IGFBP7: variants seen among roughly 807,000 people sequenced by gnomAD.
IGFBP7 encodes the protein insulin-like growth factor-binding protein 7.
In IGFBP7, 31 loss-of-function variants were observed where a neutral mutation model predicts 29.4. That is an observed-to-expected ratio of 1.05 (90% CI 0.79 to 1.42). The LOEUF (loss-of-function observed/expected upper bound fraction) is 1.42. Among genes scored for constraint, IGFBP7 ranks in the 40% most tolerant of loss-of-function variants. The pLI is 0.00. For missense variants in IGFBP7, 393 were observed against 395.5 expected, an observed-to-expected ratio of 0.99 and a Z score of 0.05; for synonymous variants, 172 against 174.9, an observed-to-expected ratio of 0.98 and a Z score of 0.13.
At chr4:57,047,294 A>G (rs1724386344) in intron 1 of IGFBP7, among the ~76,000 whole-genome samples, 1 of 152,174 alleles carries the variant, frequency 6.6e-6, no homozygotes, top group South Asian at 2.1e-4. Context: ...GCTGCCATGT[A>G]AGATGTGACT....
At chr4:57,063,030 G>A (rs1724835230) in intron 1 of IGFBP7, among the ~76,000 whole-genome samples, 1 of 151,990 alleles carries the variant, frequency 6.6e-6, no homozygotes, top group African/African-American at 2.4e-5. Flanking sequence ...TGAACCCTGA[G>A]CTCCAGCCAT....
intron 1 of IGFBP7, among the ~76,000 whole-genome samples, chr4:57,050,722 ATTTTTT>A (rs35769988): frequency 7.1e-6 from 1 of 140,390 alleles, no homozygotes. Flanking sequence ...TTAAAAAAGA[ATTTTTT>A]TTTTTTTTTT....
At chr4:57,056,495 CTG>C (rs1724677272) in intron 1 of IGFBP7, among the ~76,000 whole-genome samples, 1 of 152,178 alleles carries the variant, frequency 6.6e-6, no homozygotes, top group South Asian at 2.1e-4. Flanking sequence ...AGTAAACAGT[CTG>C]GGCCAGGAAC....
At chr4:57,062,516 G>C (rs568686958) in intron 1 of IGFBP7, among the ~76,000 whole-genome samples, 1 of 152,250 alleles carries the variant, frequency 6.6e-6, no homozygotes, top group Non-Finnish European at 1.5e-5. Flanking sequence ...CAAATAGGTG[G>C]GAATCATCCT....
chr4:57,068,156 T>C (rs1464819913), intron 1 of IGFBP7, among the ~76,000 whole-genome samples: 1 of 151,892 alleles, frequency 6.6e-6, no homozygotes, highest in African/African-American at 2.4e-5. Flanking sequence ...CCTGTGTGGA[T>C]GTGCATGCCT....
At chr4:57,093,435 G>A (rs1560507333) in intron 1 of IGFBP7, among the ~76,000 whole-genome samples, 1 of 151,882 alleles carries the variant, frequency 6.6e-6, no homozygotes, top group South Asian at 2.1e-4. Context: ...GGGAGGTAGA[G>A]GTTGCAGTGA....
intron 1 of IGFBP7, chr4:57,109,657 ACT>A: frequency 3.4e-6 from 2 of 591,896 alleles, no homozygotes; most frequent in South Asian, 4.5e-5. Context: ...CACGCAGCAA[ACT>A]CTCAAAATAA....
Position 57,030,903 on chromosome 4 carries a change from C to A in IGFBP7, c.*414G>T. The A allele has an allele frequency of 1.3e-6, 2 of 1,597,178 alleles. No individual in the cohort carries two copies. The highest frequency in any genetic ancestry group is 1.7e-6 in the Non-Finnish European group (2 of 1,164,618). Reference sequence around the variant, plus strand: ...CCATTTGTTTTTTCTTTTCAGATTTCTTTGGTGCGAATGCCTTACGCATGC... The same window carrying A: ...CCATTTGTTTTTTCTTTTCAGATTTATTTGGTGCGAATGCCTTACGCATGC... On this transcript the variant is annotated 3_prime_UTR_variant, in exon 5 of 5. Coordinates refer to ENST00000295666, the MANE Select transcript of IGFBP7 (RefSeq NM_001553.3).
At chr4:57,064,577 A>G (rs1201402409) in intron 1 of IGFBP7, among the ~76,000 whole-genome samples, 5 of 152,234 alleles carry the variant, frequency 3.3e-5, no homozygotes, top group African/African-American at 9.6e-5. Context: ...TCTCTTGCTA[A>G]GGTGCAGATC....
intron 1 of IGFBP7, among the ~76,000 whole-genome samples, chr4:57,087,771 T>C (rs1725532057): frequency 6.6e-6 from 1 of 152,194 alleles, no homozygotes; most frequent in African/African-American, 2.4e-5. Context: ...CCTAATCCTT[T>C]AATACAGGTC....
At chr4:57,079,913 G>T (rs1253009394) in intron 1 of IGFBP7, among the ~76,000 whole-genome samples, 2 of 152,176 alleles carry the variant, frequency 1.3e-5, no homozygotes, top group Admixed American at 6.5e-5. Flanking sequence ...CAGAAATCTA[G>T]TTAAGTGGCT....
At chr4:57,055,180 C>T (rs943817755) in intron 1 of IGFBP7, among the ~76,000 whole-genome samples, 25 of 150,238 alleles carry the variant, frequency 1.7e-4, no homozygotes, top group Non-Finnish European at 3.5e-4. Flanking sequence ...CCTCAGCCAC[C>T]GGGTACTGGC....
chr4:57,040,887 A>T lies in IGFBP7; in HGVS notation c.522T>A (p.Gly174=). The T allele has an allele frequency of 6.2e-7, 1 of 1,614,196 alleles. No homozygotes were observed. The highest frequency in any genetic ancestry group is 1.3e-5 in the African/African-American group (1 of 75,066). The change falls in exon 2 of 5, where the codon GGT becomes GGA. Residue 174 remains glycine (G), a synonymous_variant. Transcript: ENST00000295666. ...TPPKDIWNVT[G]AQVYLSCEVI... is the part of the protein sequence containing the mutation. The stretch of plus-strand genomic sequence containing the variant: ...CCTCACAGCTCAAGTACACCTGGGC[A>T]CCAGTGACATTCCAGATGTCCTTGG...
At chr4:57,097,979 C>G (rs1725801158) in intron 1 of IGFBP7, among the ~76,000 whole-genome samples, 1 of 152,156 alleles carries the variant, frequency 6.6e-6, no homozygotes, top group African/African-American at 2.4e-5. Context: ...ACCCCTTGGG[C>G]TTGTCCTAAA....
At chr4:57,050,487 C>T (rs1216557996) in intron 1 of IGFBP7, among the ~76,000 whole-genome samples, 2 of 151,814 alleles carry the variant, frequency 1.3e-5, no homozygotes, top group Non-Finnish European at 2.9e-5. Flanking sequence ...TCAGGTGATC[C>T]ACCTGCCTCA....
intron 1 of IGFBP7, among the ~76,000 whole-genome samples, chr4:57,070,805 A>T (rs940414172): frequency 2.0e-5 from 3 of 152,228 alleles, no homozygotes; most frequent in African/African-American, 7.2e-5. Context: ...GATACAAGGG[A>T]TGTTCAGTGC....
rs749151753 is a variant in IGFBP7, at chr4:57,065,170, G to A, written c.476-24237C>T. ...AACTCCCCATGTGGCCTCGGCCCAC[G>A]CCAGGAGGCGGTCAAGGTCCCAGGT... On this transcript the variant is annotated intron_variant, in intron 1 of 4. Transcript: ENST00000295666. 2.6e-5 allele frequency among the ~76,000 whole-genome samples: 4 copies of A among 152,226 alleles called. No individual in the cohort carries two copies. The South Asian group carries it at 6.2e-4, about 24-fold the overall frequency.
intron 1 of IGFBP7, chr4:57,072,785 A>C: frequency 1.9e-6 from 1 of 538,782 alleles, no homozygotes. Context: ...ATGGGTGGGG[A>C]CCATCCATTG....
chr4:57,078,628 T>C lies in IGFBP7; in HGVS notation c.475+31249A>G, dbSNP rs191066162. The stretch of plus-strand genomic sequence containing the variant: ...CTTCCTCCCCTCTCACAGAACACCC[T>C]TACCCTTGATGGGCCAGTGATATAA... On this transcript the variant is annotated intron_variant, in intron 1 of 4. Coordinates refer to ENST00000295666, the MANE Select transcript of IGFBP7 (RefSeq NM_001553.3). 3.5e-4 allele frequency among the ~76,000 whole-genome samples: 53 copies of C among 152,306 alleles called. No individual in the cohort carries two copies. In the East Asian group the frequency reaches 8.3e-3, roughly 24 times the overall value.
Sources: gnomAD v4.1 joint callset for allele counts (sites outside exome capture counted in the v4.1 genomes callset) on GRCh38, gnomAD v4.1.1 for gene constraint, MANE v1.5 for transcripts, NCBI Gene and HGNC (gene_info 2026-07-23, HGNC 2026-07-21) for gene names.